Variants in RCOR1 observed in about 807,000 individuals in gnomAD.
RCOR1 encodes the protein REST corepressor 1, also known as REST corepressor.
In RCOR1, 12 loss-of-function variants were observed where a neutral mutation model predicts 64.0. The ratio of observed to expected loss-of-function variants is 0.19; its 90% confidence interval spans 0.12 to 0.30. The LOEUF (loss-of-function observed/expected upper bound fraction) is 0.30. Among genes scored for constraint, RCOR1 ranks in the 10% least tolerant of loss-of-function variants. The probability of loss-of-function intolerance (pLI) is 1.00; values close to 1 mark genes in which losing one functional copy is unlikely to be tolerated. For missense variants in RCOR1, 502 were observed against 621.2 expected, an observed-to-expected ratio of 0.81 and a Z score of 2.04; for synonymous variants, 279 against 227.2, an observed-to-expected ratio of 1.23 and a Z score of -2.05.
chr14:102,636,665 T>C (rs967712789), intron 2 of RCOR1, among the ~76,000 whole-genome samples: 16 of 152,014 alleles, frequency 1.1e-4, no homozygotes, highest in South Asian at 2.1e-4. Context: ...CTGAGTTTCT[T>C]ATTGGTTTAT....
chr14:102,600,553 C>T (rs1291618158), intron 2 of RCOR1, among the ~76,000 whole-genome samples: 4 of 151,412 alleles, frequency 2.6e-5, no homozygotes, highest in Non-Finnish European at 5.9e-5. Context: ...AGGTGTGTGC[C>T]ACCATGCCCA....
chr14:102,641,513 T>C (rs1894367867), intron 2 of RCOR1, among the ~76,000 whole-genome samples: 2 of 152,004 alleles, frequency 1.3e-5, no homozygotes, highest in Admixed American at 1.3e-4. Flanking sequence ...GGTGGGCGGA[T>C]CACTTGTGCC....
intron 4 of RCOR1, among the ~76,000 whole-genome samples, chr14:102,706,938 C>G (rs936172330): frequency 6.6e-6 from 1 of 151,902 alleles, no homozygotes; most frequent in African/African-American, 2.4e-5. Context: ...TTAACAAATA[C>G]CACCTTCCCT....
At chr14:102,722,091 A>G (rs1214764831) in intron 10 of RCOR1, 96 bp from the exon 11 acceptor site, 11 of 855,214 alleles carry the variant, frequency 1.3e-5, no homozygotes, top group Non-Finnish European at 1.9e-5. Flanking sequence ...AAAAGCCTGT[A>G]TGTTTTCTTA....
At chr14:102,642,206 A>G (rs2139921948) in intron 2 of RCOR1, among the ~76,000 whole-genome samples, 1 of 147,408 alleles carries the variant, frequency 6.8e-6, no homozygotes, top group South Asian at 2.2e-4. Context: ...GAAAGAATAC[A>G]TAGGTAAAGA....
chr14:102,632,171 G>A (rs1032763618), intron 2 of RCOR1, among the ~76,000 whole-genome samples: 7 of 151,198 alleles, frequency 4.6e-5, no homozygotes, highest in East Asian at 2.0e-4. Flanking sequence ...TAACACTGGA[G>A]GGAAAAATTG....
At chr14:102,662,375 G>A (rs1232278768) in intron 2 of RCOR1, 8 of 565,188 alleles carry the variant, frequency 1.4e-5, no homozygotes, top group Middle Eastern at 1.1e-3. Context: ...CTTCTTCACA[G>A]CCTGTTTGAT....
At chr14:102,628,679 C>T (rs765685132) in intron 2 of RCOR1, among the ~76,000 whole-genome samples, 6 of 152,136 alleles carry the variant, frequency 3.9e-5, no homozygotes, top group Admixed American at 6.6e-5. Context: ...TTCAGCCTCC[C>T]GAGAGGTGGG....
chr14:102,608,416 T>G (rs1013186297), intron 2 of RCOR1, among the ~76,000 whole-genome samples: 1 of 151,958 alleles, frequency 6.6e-6, no homozygotes, highest in Admixed American at 6.6e-5. Flanking sequence ...TTGTTTTGTG[T>G]TGTTGTTTTT....
chr14:102,668,578 C>T (rs758487823), intron 2 of RCOR1, among the ~76,000 whole-genome samples: 1 of 152,200 alleles, frequency 6.6e-6, no homozygotes, highest in African/African-American at 2.4e-5. Context: ...TCTTCTCTCC[C>T]TGTCCAGCTT....
intron 2 of RCOR1, chr14:102,658,465 G>A: frequency 3.2e-6 from 3 of 945,314 alleles, no homozygotes; most frequent in Non-Finnish European, 3.8e-6. Flanking sequence ...TCCAGGCTGG[G>A]TGAGAGTGAG....
chr14:102,606,865 G>A (rs1893519830), intron 2 of RCOR1, among the ~76,000 whole-genome samples: 1 of 151,116 alleles, frequency 6.6e-6, no homozygotes, highest in Admixed American at 6.6e-5. Flanking sequence ...AAGAATATGT[G>A]CTTGGTTTGG....
chr14:102,632,663 CCTTTCCTTTCCTTTCCTTTT>C (rs1894143471), intron 2 of RCOR1, among the ~76,000 whole-genome samples: 1 of 56,920 alleles, frequency 1.8e-5, no homozygotes, highest in South Asian at 7.8e-4. Flanking sequence ...CCTTTCCTTT[CCTTTCCTTTCCTTTCCTTTT>C]CCTTTTCCTT....
chr14:102,685,546 G>A (rs946007371), intron 3 of RCOR1, among the ~76,000 whole-genome samples: 1 of 150,934 alleles, frequency 6.6e-6, no homozygotes, highest in Non-Finnish European at 1.5e-5. Context: ...GCAGTTGTGC[G>A]ATCTTGGCTC....
chr14:102,692,773 T>C (rs1416996756), intron 3 of RCOR1, among the ~76,000 whole-genome samples: 14 of 143,594 alleles, frequency 9.7e-5, no homozygotes, highest in African/African-American at 2.4e-4. Flanking sequence ...TTTTTCTTTT[T>C]TTTTTTTTTT....
At chr14:102,651,834 A>G (rs1363507206) in intron 2 of RCOR1, among the ~76,000 whole-genome samples, 2 of 152,118 alleles carry the variant, frequency 1.3e-5, no homozygotes, top group African/African-American at 4.8e-5. Context: ...TTGACCTCCC[A>G]AAGTGCTGGG....
At position 102,654,577 on chromosome 14, in the gene RCOR1, A is replaced by T. The variant is rs368328760; in HGVS notation, c.362-27318A>T. The stretch of plus-strand genomic sequence containing the variant: ...TTAAGTCTGATCTTTGTAATTTAGA[A>T]TTAATGAGGCCAGGCGCACTAGCTG... On this transcript the variant is annotated intron_variant, in intron 2 of 11. Transcript: ENST00000262241. 1.1e-3 allele frequency among the ~76,000 whole-genome samples: 164 copies of T among 152,130 alleles called. 5 individuals carry two copies. The South Asian group carries it at 0.031, about 29-fold the overall frequency.
At chr14:102,632,581 A>G (rs1452923509) in intron 2 of RCOR1, among the ~76,000 whole-genome samples, 1 of 149,208 alleles carries the variant, frequency 6.7e-6, no homozygotes, top group African/African-American at 2.5e-5. Flanking sequence ...TGCAAGGGGA[A>G]TTTTTCAAGA....
chr14:102,599,803 GTTTTGTTT>G (rs1893346966), intron 2 of RCOR1, among the ~76,000 whole-genome samples: 2 of 93,786 alleles, frequency 2.1e-5, no homozygotes, highest in African/African-American at 3.5e-5. Context: ...GTTTTGTTTT[GTTTTGTTT>G]TTTTTTTTTG....
Sources: allele counts gnomAD v4.1 joint callset (sites outside exome capture counted in the v4.1 genomes callset), GRCh38; gene constraint gnomAD v4.1.1; transcripts MANE v1.5; gene names NCBI Gene and HGNC (gene_info 2026-07-23, HGNC 2026-07-21).